The following GGTA1 variants were observed in gnomAD, a reference collection of about 807,000 sequenced individuals.
GGTA1 encodes the protein glycoprotein alpha-galactosyltransferase 1 (inactive).
GGTA1 carries 5 observed loss-of-function variants against 2.6 expected under a neutral mutation model. The ratio of observed to expected loss-of-function variants is 1.92; its 90% confidence interval spans 1.00 to 4.04. The LOEUF (loss-of-function observed/expected upper bound fraction) is 4.04. GGTA1 is among the 30% of genes most tolerant of loss of function. The pLI, the probability that GGTA1 is intolerant of heterozygous loss-of-function variation, is 0.00. For missense variants in GGTA1, 50 were observed against 16.7 expected, an observed-to-expected ratio of 2.99 and a Z score of -3.47; for synonymous variants, 17 against 5.0, an observed-to-expected ratio of 3.38 and a Z score of -3.19.
intron 2 of GGTA1, among the ~76,000 whole-genome samples, chr9:121,465,366 T>C (rs986267444): frequency 3.3e-5 from 5 of 152,270 alleles, no homozygotes; most frequent in African/African-American, 1.2e-4. Flanking sequence ...TTCCAACTGC[T>C]AGAGCTCTTC....
intron 1 of GGTA1, among the ~76,000 whole-genome samples, chr9:121,498,321 A>C (rs1269519755): frequency 2.0e-5 from 3 of 152,208 alleles, no homozygotes; most frequent in Non-Finnish European, 4.4e-5. Flanking sequence ...CATGTAAATG[A>C]GATAACTTAG....
chr9:121,454,256 T>A (rs2064893838), downstream of GGTA1, among the ~76,000 whole-genome samples: 1 of 152,212 alleles, frequency 6.6e-6, no homozygotes, highest in South Asian at 2.1e-4. Context: ...TGCACCAACC[T>A]GTGCCAGGCA....
intron 1 of GGTA1, among the ~76,000 whole-genome samples, chr9:121,474,945 C>G (rs905633578): frequency 2.0e-5 from 3 of 152,170 alleles, no homozygotes; most frequent in African/African-American, 7.2e-5. Context: ...TGGGTCCAGA[C>G]TGGCACAGGC....
At chr9:121,479,267 G>A (rs1589335008) in intron 1 of GGTA1, 1 of 371,560 alleles carries the variant, frequency 2.7e-6, no homozygotes, top group South Asian at 2.0e-5. Context: ...AAACAACAAA[G>A]TTCTTTTGAG....
chr9:121,499,195 T>C (rs1829054841), intron 1 of GGTA1, among the ~76,000 whole-genome samples: 2 of 151,816 alleles, frequency 1.3e-5, no homozygotes, highest in Admixed American at 6.6e-5. Context: ...ATCCCCCCAC[T>C]CCCAGATTCC....
At chr9:121,480,597 C>T (rs900963533) in intron 1 of GGTA1, among the ~76,000 whole-genome samples, 2 of 152,072 alleles carry the variant, frequency 1.3e-5, no homozygotes, top group African/African-American at 4.8e-5. Context: ...CAAGGACTGG[C>T]CCCCCGGTCG....
In GGTA1 at chr9:121,466,281, C is replaced by G. The variant is rs139664420; in HGVS notation, c.80+1562G>C. On this transcript the variant is annotated intron_variant, in intron 2 of 5. Coordinates refer to ENST00000481799, the MANE Select transcript of GGTA1 (RefSeq NM_001382585.1). The stretch of plus-strand genomic sequence containing the variant: ...AAGAACAGAGTGGCTGAGCAACTTG[C>G]CCAAGGAGCAGCCTAGCTCTAGAGT... 7.4e-3 allele frequency among the ~76,000 whole-genome samples: 1,122 copies of G among 152,222 alleles called. 15 individuals carry two copies. The highest frequency in any genetic ancestry group is 0.026 in the African/African-American group (1,063 of 41,508).
At chr9:121,478,928 A>G in intron 1 of GGTA1, 1 of 389,284 alleles carries the variant, frequency 2.6e-6, no homozygotes, top group South Asian at 1.8e-5. Context: ...GCCTCCATCC[A>G]TAACTTCACC....
At chr9:121,467,960 A>G (rs1394060073) in intron 1 of GGTA1, 29 bp from the exon 2 acceptor site, 1 of 452,982 alleles carries the variant, frequency 2.2e-6, no homozygotes, top group Non-Finnish European at 4.4e-6. Flanking sequence ...GGAGAAAAAA[A>G]GAGAACAGAT....
At chr9:121,450,663 G>A (rs1025305523), downstream of GGTA1, among the ~76,000 whole-genome samples, 2 of 152,214 alleles carry the variant, frequency 1.3e-5, no homozygotes, top group South Asian at 4.1e-4. Flanking sequence ...AATCTGCAAC[G>A]TGGCTGGGTT....
At chr9:121,471,391 G>C (rs908091998) in intron 1 of GGTA1, among the ~76,000 whole-genome samples, 1 of 152,190 alleles carries the variant, frequency 6.6e-6, no homozygotes, top group African/African-American at 2.4e-5. Flanking sequence ...CTCACATAGA[G>C]TACACGAGGC....
At chr9:121,471,844 G>A (rs931995886) in intron 1 of GGTA1, among the ~76,000 whole-genome samples, 1 of 152,200 alleles carries the variant, frequency 6.6e-6, no homozygotes, top group Non-Finnish European at 1.5e-5. Flanking sequence ...AAAGTCACTA[G>A]AGTCTGCATC....
chr9:121,485,450 T>TAA (rs1828738544), intron 1 of GGTA1, among the ~76,000 whole-genome samples: 1 of 152,226 alleles, frequency 6.6e-6, no homozygotes, highest in Admixed American at 6.5e-5. Context: ...TTGTGAAGGT[T>TAA]AAGTGTTGTC....
intron 2 of GGTA1, among the ~76,000 whole-genome samples, chr9:121,466,953 C>CAA (rs397894554): frequency 1.7e-4 from 17 of 99,952 alleles, no homozygotes; most frequent in African/African-American, 6.0e-4. Context: ...GACTCTGTCT[C>CAA]AAAAAAAAAA....
intron 1 of GGTA1, among the ~76,000 whole-genome samples, chr9:121,488,308 C>T (rs778793189): frequency 3.3e-5 from 5 of 152,176 alleles, no homozygotes; most frequent in Non-Finnish European, 7.3e-5. Flanking sequence ...CATGTTCTGC[C>T]TCTCTTCATT....
intron 1 of GGTA1, among the ~76,000 whole-genome samples, chr9:121,496,340 A>G (rs1828991381): frequency 6.6e-6 from 1 of 152,186 alleles, no homozygotes; most frequent in African/African-American, 2.4e-5. Flanking sequence ...GCCCTGGCCC[A>G]TAATGGTCTC....
At chr9:121,487,719 CTTTT>C (rs917326405) in intron 1 of GGTA1, among the ~76,000 whole-genome samples, 1 of 151,932 alleles carries the variant, frequency 6.6e-6, no homozygotes, top group African/African-American at 2.4e-5. Flanking sequence ...AAGGTATAGA[CTTTT>C]TTCTTTTTTT....
intron 1 of GGTA1, among the ~76,000 whole-genome samples, chr9:121,484,164 C>T (rs1055181401): frequency 1.3e-5 from 2 of 152,044 alleles, no homozygotes; most frequent in Non-Finnish European, 2.9e-5. Context: ...ATCCATGTAA[C>T]AAAACTGCAT....
At chr9:121,457,911 C>CTTT (rs530400416) in intron 5 of GGTA1, among the ~76,000 whole-genome samples, 32,434 of 134,628 alleles carry the variant, frequency 0.24, 4,670 homozygotes, top group Non-Finnish European at 0.34. Flanking sequence ...GAAAAGGATA[C>CTTT]TTTTTTTTTT....
Sources: gnomAD v4.1 joint callset for allele counts (sites outside exome capture counted in the v4.1 genomes callset) on GRCh38, gnomAD v4.1.1 for gene constraint, MANE v1.5 for transcripts, NCBI Gene and HGNC (gene_info 2026-07-23, HGNC 2026-07-21) for gene names.